Variants in KHDRBS3 observed in about 807,000 individuals in gnomAD.
The protein encoded by KHDRBS3 is KH domain-containing, RNA-binding, signal transduction-associated protein 3.
A neutral mutation model predicts 45.6 loss-of-function variants in KHDRBS3; 23 were observed. The ratio of observed to expected loss-of-function variants is 0.50; its 90% CI spans 0.36 to 0.72. The LOEUF (loss-of-function observed/expected upper bound fraction) is 0.72. KHDRBS3 is among the 30% of genes least tolerant of loss of function. The probability of loss-of-function intolerance (pLI) is 0.00; values close to 1 mark genes in which losing one functional copy is unlikely to be tolerated. For missense variants in KHDRBS3, 352 were observed against 424.8 expected (o/e 0.83, Z 1.51); for synonymous variants, 162 against 156.5 (o/e 1.04, Z -0.26).
At chr8:135,642,385 G>A (rs1831098691) in intron 7 of KHDRBS3, among the ~76,000 whole-genome samples, 2 of 152,206 alleles carry the variant, frequency 1.3e-5, no homozygotes, top group Admixed American at 6.5e-5. Flanking sequence ...GATTAGGTGA[G>A]CTCATGCACA....
intron 3 of KHDRBS3, among the ~76,000 whole-genome samples, chr8:135,545,297 A>G (rs1289605362): frequency 6.6e-6 from 1 of 152,218 alleles, no homozygotes; most frequent in African/African-American, 2.4e-5. Flanking sequence ...AAGCATGAGA[A>G]TTGTCATCTC....
At chr8:135,584,620 A>G (rs1251956657) in intron 6 of KHDRBS3, among the ~76,000 whole-genome samples, 2 of 152,228 alleles carry the variant, frequency 1.3e-5, no homozygotes, top group African/African-American at 4.8e-5. Flanking sequence ...CTTTTTCAGT[A>G]TAGTAAAAGC....
intron 2 of KHDRBS3, 122 bp from the exon 3 acceptor site, chr8:135,542,532 G>A (rs182247139): frequency 3.0e-6 from 2 of 660,646 alleles, no homozygotes; most frequent in Admixed American, 4.9e-5. Context: ...GCATGTAGCA[G>A]GAGCTTAAAT....
chr8:135,632,808 G>T (rs1563820327), intron 7 of KHDRBS3, among the ~76,000 whole-genome samples: 1 of 152,024 alleles, frequency 6.6e-6, no homozygotes, highest in Non-Finnish European at 1.5e-5. Context: ...CCTCTCCCTT[G>T]TCCTCTCTGC....
chr8:135,471,598 C>T (rs1822017346), intron 1 of KHDRBS3, among the ~76,000 whole-genome samples: 1 of 152,130 alleles, frequency 6.6e-6, no homozygotes, highest in Admixed American at 6.5e-5. Context: ...CTGCATGGAG[C>T]TTTGTTATTC....
chr8:135,510,583 C>T (rs751464158), intron 1 of KHDRBS3, among the ~76,000 whole-genome samples: 4 of 152,152 alleles, frequency 2.6e-5, no homozygotes, highest in Admixed American at 2.0e-4. Context: ...TATAGGCACA[C>T]GCCACCATGC....
Position 135,584,087 on chromosome 8 carries a change from A to G in KHDRBS3, c.807+2014A>G, listed in dbSNP as rs191726016. Among the ~76,000 whole-genome samples the G allele has an allele frequency of 3.3e-5, 5 of 152,324 alleles. No individual in the cohort carries two copies. In the East Asian group the frequency reaches 9.6e-4, roughly 29 times the overall value. On this transcript the variant is annotated intron_variant, in intron 6 of 8. Transcript: ENST00000355849. ...ATTACCTGCGTTTTTCCAGAACCAG[A>G]CAAAGGTTTAAGAGCTCTAAAGGAA...
intron 6 of KHDRBS3, among the ~76,000 whole-genome samples, chr8:135,590,752 G>A (rs370689162): frequency 6.6e-6 from 1 of 152,142 alleles, no homozygotes; most frequent in Non-Finnish European, 1.5e-5. Context: ...ATACAGACTT[G>A]CCATCCCTTA....
chr8:135,599,018 CAG>C (rs1829092068), intron 6 of KHDRBS3, among the ~76,000 whole-genome samples: 1 of 152,172 alleles, frequency 6.6e-6, no homozygotes, highest in South Asian at 2.1e-4. Flanking sequence ...TTACTTGTAA[CAG>C]AAATAGAATT....
chr8:135,595,508 T>C (rs2130981030), intron 6 of KHDRBS3, among the ~76,000 whole-genome samples: 1 of 152,358 alleles, frequency 6.6e-6, no homozygotes, highest in East Asian at 1.9e-4. Flanking sequence ...GACTATGCGA[T>C]AATCTGAAGG....
rs755409281 is a variant in KHDRBS3 at position 135,491,420 on chromosome 8, GAAAA to G, written c.89-29810_89-29807del. 2.7e-5 allele frequency among the ~76,000 whole-genome samples: 4 copies of G among 146,930 alleles called. No individual in the cohort carries two copies. The South Asian group carries it at 8.6e-4, about 32-fold the overall frequency. ...AGCCCCCACACCAAAAAAAAGGAAAGAAAAAAAAAATGAACTGGAACTCATGCAT... is the reference window on the plus strand; with the variant it reads ...AGCCCCCACACCAAAAAAAAGGAAAGAAAAAATGAACTGGAACTCATGCAT... On this transcript the variant is annotated intron_variant, in intron 1 of 8. Transcript: ENST00000355849.
At chr8:135,460,741 A>G (rs1168262027) in intron 1 of KHDRBS3, among the ~76,000 whole-genome samples, 1 of 152,218 alleles carries the variant, frequency 6.6e-6, no homozygotes, top group African/African-American at 2.4e-5. Flanking sequence ...CGGTAGATTT[A>G]TCTTCCAGGA....
At chr8:135,503,696 A>G (rs1008106463) in intron 1 of KHDRBS3, among the ~76,000 whole-genome samples, 1 of 152,060 alleles carries the variant, frequency 6.6e-6, no homozygotes, top group East Asian at 1.9e-4. Context: ...AAATAAACCC[A>G]AAGTATAAGT....
At chr8:135,458,120 A>G in intron 1 of KHDRBS3, 166 bp downstream of exon 1, 1 of 1,386,736 alleles carries the variant, frequency 7.2e-7, no homozygotes, top group Non-Finnish European at 9.3e-7. Context: ...AGGCTGTGGG[A>G]CACCTAGGGG....
chr8:135,540,850 G>A (rs1269745097), intron 2 of KHDRBS3: 1 of 152,192 alleles, frequency 6.6e-6, no homozygotes, highest in Admixed American at 6.5e-5. Flanking sequence ...CAGCAATCCG[G>A]AATTTTTAAG....
intron 5 of KHDRBS3, among the ~76,000 whole-genome samples, chr8:135,565,297 G>A (rs1054542245): frequency 6.6e-6 from 1 of 152,160 alleles, no homozygotes; most frequent in Non-Finnish European, 1.5e-5. Context: ...AGAGGGGAGG[G>A]AAGGAAGAAG....
intron 1 of KHDRBS3, among the ~76,000 whole-genome samples, chr8:135,470,039 G>A (rs1303158653): frequency 1.3e-5 from 2 of 152,160 alleles, no homozygotes; most frequent in African/African-American, 2.4e-5. Flanking sequence ...TTCAAAAGTC[G>A]ATTTTAAACC....
chr8:135,581,170 T>C (rs1828188147), intron 5 of KHDRBS3, among the ~76,000 whole-genome samples: 1 of 152,232 alleles, frequency 6.6e-6, no homozygotes, highest in African/African-American at 2.4e-5. Flanking sequence ...CATCATGCTG[T>C]GTCTGTATTC....
chr8:135,476,917 AG>A (rs1319399156), intron 1 of KHDRBS3, among the ~76,000 whole-genome samples: 1 of 152,240 alleles, frequency 6.6e-6, no homozygotes, highest in Non-Finnish European at 1.5e-5. Context: ...TTGATATAGT[AG>A]AAGTTCAGAA....
Sources: allele counts gnomAD v4.1 joint callset (sites outside exome capture counted in the v4.1 genomes callset), GRCh38; gene constraint gnomAD v4.1.1; transcripts MANE v1.5; gene names NCBI Gene and HGNC (gene_info 2026-07-23, HGNC 2026-07-21).